Variants in ABCA9 observed in about 807,000 individuals in gnomAD.
ABCA9 encodes ATP-binding cassette sub-family A member 9.
In ABCA9, 183 loss-of-function variants were observed where a neutral mutation model predicts 205.3. The ratio of observed to expected loss-of-function variants is 0.89; its 90% CI spans 0.79 to 1.01. The LOEUF (loss-of-function observed/expected upper bound fraction) is 1.01. ABCA9 is among the 50% of genes least tolerant of loss of function. ABCA9 has a pLI of 0.00. For synonymous variants in ABCA9, 651 were observed against 683.3 expected, an observed-to-expected ratio of 0.95 and a Z score of 0.74; for missense variants, 1,805 against 1,912.4, an observed-to-expected ratio of 0.94 and a Z score of 1.05.
chr17:69,027,198 G>A, intron 14 of ABCA9, 84 bp from the exon 15 acceptor site: 1 of 1,575,842 alleles, frequency 6.3e-7, no homozygotes. Context: ...AAAGTATTTG[G>A]GAGAAACTTG....
chr17:69,047,731 C>G (rs1567971995), intron 3 of ABCA9, among the ~76,000 whole-genome samples: 2 of 152,202 alleles, frequency 1.3e-5, no homozygotes, highest in African/African-American at 4.8e-5. Context: ...GGTCACAAGA[C>G]ATGCCTAAGT....
chr17:69,029,481 C>T (rs761222495), intron 10 of ABCA9, among the ~76,000 whole-genome samples: 9 of 151,804 alleles, frequency 5.9e-5, no homozygotes, highest in South Asian at 2.1e-4. Flanking sequence ...GCTTAGCACA[C>T]GGAAATATAT....
chr17:69,051,028 T>C lies in ABCA9; in HGVS notation c.96+3A>G. ...ATGAGAACACATAGACTCTGAAGCA[T>C]ACCAACAAGGTCTGTCTTTTCATTC... On this transcript the variant is annotated splice_donor_region_variant and intron_variant, in intron 2 of 38. Transcript: ENST00000340001. 6.2e-7 allele frequency: 1 copy of C among 1,613,332 alleles called. No individual in the cohort carries two copies.
intron 10 of ABCA9, among the ~76,000 whole-genome samples, chr17:69,031,690 C>T (rs1358501989): frequency 6.6e-6 from 1 of 152,106 alleles, no homozygotes; most frequent in African/African-American, 2.4e-5. Context: ...GCCTCTTTCT[C>T]CTCATCTAAT....
the ABCA9 span, among the ~76,000 whole-genome samples, chr17:69,078,015 A>G: frequency 2.0e-5 from 3 of 152,100 alleles, no homozygotes; most frequent in Non-Finnish European, 4.4e-5. Context: ...ATGACAAGGA[A>G]AATTAGCACC....
the ABCA9 span, among the ~76,000 whole-genome samples, chr17:69,074,862 T>G: frequency 2.0e-5 from 3 of 152,112 alleles, no homozygotes; most frequent in Admixed American, 6.6e-5. Context: ...TCCAAACTGC[T>G]TTCCACAGTG....
chr17:69,008,149 G>A lies in ABCA9; in HGVS notation c.3234C>T (p.Tyr1078=), dbSNP rs1380005098. The A allele has an allele frequency of 1.2e-6, 2 of 1,613,474 alleles. No individual in the cohort carries two copies. The highest frequency in any genetic ancestry group is 8.5e-7 in the Non-Finnish European group (1 of 1,179,426). The change falls in exon 24 of 39, where the codon TAC becomes TAT. Residue 1078 remains tyrosine, a synonymous_variant. Coordinates refer to ENST00000340001, the MANE Select transcript of ABCA9 (RefSeq NM_080283.4). The stretch of plus-strand genomic sequence containing the variant: ...TTTGCATTAGCAGGAGGATCAAAAA[G>A]TACAGGGAAACATCCACCAGTGCTT... ...FGQALVDVSL[Y]FLILLLMQIM... is the part of the protein sequence containing the mutation.
At chr17:69,041,574 C>G (rs916154128) in intron 6 of ABCA9, among the ~76,000 whole-genome samples, 1 of 152,002 alleles carries the variant, frequency 6.6e-6, no homozygotes, top group South Asian at 2.1e-4. Context: ...CATGGTGGCA[C>G]TCGCCTGTAG....
In ABCA9 at chr17:69,002,504, TC is replaced by T. The variant is rs1322557643; in HGVS notation, c.3435+5254del. Among the ~76,000 whole-genome samples, 1,100 of 149,228 alleles carry T rather than the reference TC, an allele frequency of 7.4e-3. 8 individuals carry two copies. Among genetic ancestry groups the T allele is most frequent in the African/African-American group, 0.023 (945 of 40,314 alleles). On this transcript the variant is annotated intron_variant, in intron 25 of 38. Coordinates refer to ENST00000340001, the MANE Select transcript of ABCA9 (RefSeq NM_080283.4). ...AGAGATAGTTTGTTATAATTTCTGT[TC>T]TTTTACATTTGCTGAGGAGAGCTTT...
Position 69,060,870 on chromosome 17 carries a change from A to G in ABCA9, c.-18T>C. On this transcript the variant is annotated 5_prime_UTR_variant, in exon 1 of 39. The change abolishes the stop of an existing upstream ORF in the 5' untranslated region. Coordinates refer to ENST00000340001, the MANE Select transcript of ABCA9 (RefSeq NM_080283.4). The stretch of plus-strand genomic sequence containing the variant: ...CAATTTTAGAGGTTAACTTACTCTC[A>G]GGAAAGCTGGAGGAAAAATCTAGAA... The G allele has an allele frequency of 1.0e-6, 1 of 985,458 alleles. No individual in the cohort carries two copies. Among genetic ancestry groups the G allele is most frequent in the Non-Finnish European group, 1.2e-6 (1 of 829,928 alleles). 61.0% of individuals were successfully genotyped at this position (985,458 alleles called of 1,614,324 possible). A position where few individuals can be genotyped will look rare whatever the true frequency, so the allele number is the denominator to read the frequency against.
At chr17:69,041,800 G>A (rs2071553983) in intron 6 of ABCA9, among the ~76,000 whole-genome samples, 1 of 151,654 alleles carries the variant, frequency 6.6e-6, no homozygotes, top group African/African-American at 2.4e-5. Flanking sequence ...ACTCAATTTT[G>A]ATACAGAAAA....
At chr17:68,994,131 C>A (rs2069543367) in intron 26 of ABCA9, among the ~76,000 whole-genome samples, 1 of 152,202 alleles carries the variant, frequency 6.6e-6, no homozygotes, top group Non-Finnish European at 1.5e-5. Flanking sequence ...CTGCCTCGGC[C>A]TCCCAAAGTG....
chr17:69,011,279 C>A, intron 23 of ABCA9, among the ~76,000 whole-genome samples: 1 of 151,656 alleles, frequency 6.6e-6, no homozygotes, highest in Admixed American at 6.6e-5. Flanking sequence ...GAGTTTACCC[C>A]AAAAAAAGTG....
intron 17 of ABCA9, among the ~76,000 whole-genome samples, chr17:69,022,937 TTCTC>T (rs2070870912): frequency 6.6e-6 from 1 of 152,250 alleles, no homozygotes; most frequent in Non-Finnish European, 1.5e-5. Flanking sequence ...TTTTCAGTCT[TTCTC>T]CAAATTTCTC....
intron 37 of ABCA9, among the ~76,000 whole-genome samples, chr17:68,982,058 C>T (rs2069072648): frequency 6.6e-6 from 1 of 152,074 alleles, no homozygotes; most frequent in Non-Finnish European, 1.5e-5. Flanking sequence ...GATTAACACA[C>T]CTAAACAGAG....
chr17:69,015,233 G>A (rs530627942), intron 22 of ABCA9, among the ~76,000 whole-genome samples: 34 of 152,216 alleles, frequency 2.2e-4, no homozygotes, highest in Admixed American at 5.9e-4. Flanking sequence ...TGCCCCTTAG[G>A]CCACAATTTG....
chr17:69,032,210 C>T lies in ABCA9; in HGVS notation c.1343G>A (p.Arg448Lys), dbSNP rs761578039. Reference sequence around the variant, plus strand: ...ATTCTCAAGGACCACATGATTAGCCCTTCCGTGTTGAAACCAAAAACAGGA... The same window carrying T: ...ATTCTCAAGGACCACATGATTAGCCTTTCCGTGTTGAAACCAAAAACAGGA... ...LKSCFWFQHGRANHVVLENET... is the reference protein window; with the variant it reads ...LKSCFWFQHGKANHVVLENET... Residue 448 changes from arginine to lysine, a missense_variant, in exon 10 of 39, where the codon AGG becomes AAG. By Grantham distance (26) the Arg-to-Lys change is conservative. Coordinates refer to ENST00000340001, the MANE Select transcript of ABCA9 (RefSeq NM_080283.4). 1.1e-5 allele frequency: 18 copies of T among 1,613,898 alleles called. No homozygotes were observed. Among genetic ancestry groups the T allele is most frequent in the Admixed American group, 3.3e-5 (2 of 59,988 alleles).
chr17:68,979,105 C>T (rs2068965530), intron 37 of ABCA9, among the ~76,000 whole-genome samples: 1 of 152,164 alleles, frequency 6.6e-6, no homozygotes, highest in Non-Finnish European at 1.5e-5. Context: ...GATACAAAAT[C>T]AATGTGCAAA....
rs777786539 is a variant in ABCA9, at chr17:68,995,871, TCAGA to T, written c.3555+20_3555+23del. The T allele has an allele frequency of 1.2e-6, 2 of 1,612,444 alleles. No individual in the cohort carries two copies. Among genetic ancestry groups the T allele is most frequent in the Non-Finnish European group, 1.7e-6 (2 of 1,179,506 alleles). ...CAAATGACCACACATTTCATGACCCTCAGACAGAAGTGGAACTACTTACCTCAGA... is the reference window on the plus strand; with the variant it reads ...CAAATGACCACACATTTCATGACCCTCAGAAGTGGAACTACTTACCTCAGA... On this transcript the variant is annotated intron_variant, in intron 26 of 38. Transcript: ENST00000340001.
Sources: allele counts gnomAD v4.1 joint callset (sites outside exome capture counted in the v4.1 genomes callset), GRCh38; gene constraint gnomAD v4.1.1; transcripts MANE v1.5; gene names NCBI Gene and HGNC (gene_info 2026-07-23, HGNC 2026-07-21).